Variants in HHIP observed in about 807,000 individuals in gnomAD.
The protein encoded by HHIP is hedgehog-interacting protein.
Under a neutral mutation model 74.0 loss-of-function variants are expected in HHIP, and 12 were observed. The observed-to-expected ratio is 0.16, with a 90% CI of 0.10 to 0.26. The LOEUF (loss-of-function observed/expected upper bound fraction) is 0.26. HHIP is among the 10% of genes least tolerant of loss of function. HHIP has a pLI of 1.00. For missense variants in HHIP, 788 were observed against 845.0 expected (o/e 0.93, Z 0.84); for synonymous variants, 309 against 311.6 (o/e 0.99, Z 0.09).
At chr4:144,731,319 G>A (rs963911331) in intron 11 of HHIP, among the ~76,000 whole-genome samples, 1 of 152,128 alleles carries the variant, frequency 6.6e-6, no homozygotes, top group African/African-American at 2.4e-5. Context: ...GTCCTGGGGA[G>A]CCACAAGAGA....
chr4:144,661,487 T>G (rs1489231460), intron 4 of HHIP: 1 of 152,230 alleles, frequency 6.6e-6, no homozygotes, highest in Non-Finnish European at 1.5e-5. Flanking sequence ...GTTTTAGCGC[T>G]AATTATGTCC....
intron 11 of HHIP, among the ~76,000 whole-genome samples, chr4:144,723,389 A>G (rs868619505): frequency 3.9e-5 from 6 of 151,994 alleles, no homozygotes; most frequent in Non-Finnish European, 8.8e-5. Flanking sequence ...TTTTCTTAAT[A>G]TCTTCATCCT....
At chr4:144,728,154 C>T (rs540190975) in intron 11 of HHIP, among the ~76,000 whole-genome samples, 1 of 152,144 alleles carries the variant, frequency 6.6e-6, no homozygotes, top group Admixed American at 6.6e-5. Context: ...GACAGTCAAA[C>T]CTGTGGCTCG....
At position 144,659,715 on chromosome 4, in the gene HHIP, G is replaced by T. The variant is rs749306881; in HGVS notation, c.708G>T (p.Gly236=). ...LRQPVGALHS[G]DGSQRLFILE... is the part of the protein sequence containing the mutation. Reference sequence around the variant, plus strand: ...AGCCCGTTGGTGCCCTGCATAGTGGGGATGGCTCGCAACGTCTCTTCATTC... The same window carrying T: ...AGCCCGTTGGTGCCCTGCATAGTGGTGATGGCTCGCAACGTCTCTTCATTC... The change falls in exon 4 of 13, where the codon GGG becomes GGT. Residue 236 remains glycine, a synonymous_variant. Transcript: ENST00000296575. The T allele has an allele frequency of 1.9e-6, 3 of 1,609,516 alleles. No homozygotes were observed. Among genetic ancestry groups the T allele is most frequent in the Non-Finnish European group, 2.5e-6 (3 of 1,178,412 alleles).
At chr4:144,688,533 T>C (rs1729548669) in intron 4 of HHIP, among the ~76,000 whole-genome samples, 1 of 152,150 alleles carries the variant, frequency 6.6e-6, no homozygotes, top group Non-Finnish European at 1.5e-5. Context: ...CAAAAATAAA[T>C]TGGAAGCCTA....
intron 7 of HHIP, among the ~76,000 whole-genome samples, chr4:144,708,780 G>A (rs1416807200): frequency 6.6e-6 from 1 of 152,154 alleles, no homozygotes; most frequent in Admixed American, 6.5e-5. Flanking sequence ...TCTGACTCCT[G>A]GTAGGTTTTA....
intron 4 of HHIP, among the ~76,000 whole-genome samples, chr4:144,683,858 C>T (rs1427949185): frequency 6.6e-6 from 1 of 151,872 alleles, no homozygotes; most frequent in African/African-American, 2.4e-5. Context: ...TGCTGGCCCG[C>T]GATTTGGATG....
chr4:144,648,183 A>T (rs888648717), intron 1 of HHIP: 3 of 152,236 alleles, frequency 2.0e-5, no homozygotes, highest in African/African-American at 7.2e-5. Flanking sequence ...AATCAATAGG[A>T]CAAAAAGGGG....
chr4:144,707,654 A>AAAAAAAAAAAAAAG (rs1357683421), intron 6 of HHIP, among the ~76,000 whole-genome samples: 12 of 151,058 alleles, frequency 7.9e-5, no homozygotes. Context: ...GGCAAAAAAA[A>AAAAAAAAAAAAAAG]AAAAGCAGTG....
chr4:144,671,809 C>G (rs148660135), intron 4 of HHIP, among the ~76,000 whole-genome samples: 3,034 of 152,030 alleles, frequency 0.02, 103 homozygotes, highest in African/African-American at 0.069. Context: ...ATAGTGAAAC[C>G]CTGTCTCTAC....
chr4:144,653,495 A>G, intron 2 of HHIP, among the ~76,000 whole-genome samples: 1 of 152,176 alleles, frequency 6.6e-6, no homozygotes, highest in Non-Finnish European at 1.5e-5. Flanking sequence ...CAATAAGCTT[A>G]TATATTCATT....
chr4:144,741,222 A>G lies in HHIP; in HGVS notation c.*3265A>G, dbSNP rs1026115705. ...TATCTCATAAAGAGTAGAGAAACCA[A>G]CACATACAATATATACACACAACCT... On this transcript the variant is annotated 3_prime_UTR_variant, in exon 13 of 13. Coordinates refer to ENST00000296575, the MANE Select transcript of HHIP (RefSeq NM_022475.3). 6.6e-5 allele frequency: 10 copies of G among 152,126 alleles called. No individual in the cohort carries two copies. The highest frequency in any genetic ancestry group is 2.4e-4 in the African/African-American group (10 of 41,442). 9.4% of individuals were successfully genotyped at this position (152,126 alleles called of 1,614,324 possible).
rs200798148 is a variant in HHIP, at chr4:144,659,723, C to T, written c.716C>T (p.Ser239Leu). ...GGTGCCCTGCATAGTGGGGATGGCT[C>T]GCAACGTCTCTTCATTCTGGAAAAA... is the stretch of plus-strand genomic sequence containing the variant. Reference protein sequence around the residue: ...PVGALHSGDGSQRLFILEKEG... With the variant: ...PVGALHSGDGLQRLFILEKEG... The change falls in exon 4 of 13, where the codon TCG (serine) becomes TTG (leucine). Residue 239 changes from serine to leucine, a missense_variant. Physicochemically the swap from Ser to Leu is moderately radical, Grantham distance 145. Transcript: ENST00000296575. 4.6e-5 allele frequency: 74 copies of T among 1,610,180 alleles called. No homozygotes were observed. In the East Asian group the frequency reaches 7.1e-4, roughly 16 times the overall value.
At position 144,742,928 on chromosome 4, in the gene HHIP, TTATA is replaced by T. The variant is rs1560729021; in HGVS notation, c.*4977_*4980del. On this transcript the variant is annotated 3_prime_UTR_variant, in exon 13 of 13. Transcript: ENST00000296575. ...TTATATATATCTTATATATATATCTTTATATATATCTTATATATATATCTTATAC... is the reference window on the plus strand; with the variant it reads ...TTATATATATCTTATATATATATCTTTATATCTTATATATATATCTTATAC... 8.0e-6 allele frequency: 1 copy of T among 125,238 alleles called. No individual in the cohort carries two copies. Among genetic ancestry groups the T allele is most frequent in the Non-Finnish European group, 1.7e-5 (1 of 59,310 alleles). The allele number at this position is 125,238 out of a possible 1,614,324, so 7.8% of individuals were successfully genotyped here.
At chr4:144,687,295 A>C (rs1243798766) in intron 4 of HHIP, among the ~76,000 whole-genome samples, 3 of 152,152 alleles carry the variant, frequency 2.0e-5, no homozygotes, top group African/African-American at 7.2e-5. Context: ...TACAGGAGTG[A>C]CTCGGGGAAA....
Position 144,707,241 on chromosome 4 carries a change from G to C in HHIP, c.1138G>C (p.Glu380Gln). The change falls in exon 6 of 13, where the codon GAA becomes CAA. Residue 380 changes from glutamate to glutamine, a missense_variant. Transcript: ENST00000296575. ...GDGMITLDDM[E>Q]EMDGLSDFTG... The stretch of plus-strand genomic sequence containing the variant: ...TGGGATGATTACACTGGATGATATG[G>C]AAGAAATGGATGGGTTAAGGTAAAA... The C allele has an allele frequency of 6.2e-7, 1 of 1,611,530 alleles. No individual in the cohort carries two copies. The highest frequency in any genetic ancestry group is 8.5e-7 in the Non-Finnish European group (1 of 1,178,970).
At chr4:144,700,609 G>A (rs1245095883) in intron 4 of HHIP, among the ~76,000 whole-genome samples, 1 of 152,146 alleles carries the variant, frequency 6.6e-6, no homozygotes, top group African/African-American at 2.4e-5. Flanking sequence ...TGTGATATGA[G>A]AAGGATTCAA....
In HHIP at chr4:144,742,202, G is replaced by T. The variant is rs1429712243; in HGVS notation, c.*4245G>T. 6.6e-6 allele frequency: 1 copy of T among 152,038 alleles called. No homozygotes were observed. Among genetic ancestry groups the T allele is most frequent in the African/African-American group, 2.4e-5 (1 of 41,376 alleles). The allele number at this position is 152,038 out of a possible 1,614,324, so 9.4% of individuals were successfully genotyped here. A position where few individuals can be genotyped will look rare whatever the true frequency, so the allele number is the denominator to read the frequency against. On this transcript the variant is annotated 3_prime_UTR_variant, in exon 13 of 13. Transcript: ENST00000296575. The stretch of plus-strand genomic sequence containing the variant: ...TGTTGAAGGTATCCTGGGCTAGATT[G>T]CTGTTGATTTTGCTGGTTATGATCT...
intron 4 of HHIP, among the ~76,000 whole-genome samples, chr4:144,694,655 G>A (rs935459106): frequency 6.6e-6 from 1 of 151,544 alleles, no homozygotes; most frequent in African/African-American, 2.4e-5. Context: ...TTAATATTGT[G>A]ATTTCTTTCT....
Sources: allele counts gnomAD v4.1 joint callset (sites outside exome capture counted in the v4.1 genomes callset), GRCh38; gene constraint gnomAD v4.1.1; transcripts MANE v1.5; gene names NCBI Gene and HGNC (gene_info 2026-07-23, HGNC 2026-07-21).